Variants in ZSWIM6 observed in about 807,000 individuals in gnomAD.
ZSWIM6 encodes zinc finger SWIM domain-containing protein 6.
ZSWIM6 carries 9 observed loss-of-function variants against 113.2 expected under a neutral mutation model. That is an observed-to-expected ratio of 0.08 (90% CI 0.05 to 0.14). The LOEUF (loss-of-function observed/expected upper bound fraction) is 0.14, where lower values mean the gene tolerates loss of function less well. ZSWIM6 is among the 10% of genes least tolerant of loss of function. ZSWIM6 has a pLI of 1.00. For synonymous variants in ZSWIM6, 611 were observed against 606.5 expected, an observed-to-expected ratio of 1.01 and a Z score of -0.11; for missense variants, 1,162 against 1,552.2, an observed-to-expected ratio of 0.75 and a Z score of 4.22.
At chr5:61,451,235 TTTAG>T (rs1366341641) in intron 1 of ZSWIM6, among the ~76,000 whole-genome samples, 1 of 152,172 alleles carries the variant, frequency 6.6e-6, no homozygotes, top group East Asian at 1.9e-4. Flanking sequence ...GCAGGAATGT[TTTAG>T]TTAGCTTCAG....
chr5:61,514,332 A>G (rs1748874872), intron 4 of ZSWIM6, among the ~76,000 whole-genome samples: 2 of 149,374 alleles, frequency 1.3e-5, no homozygotes, highest in South Asian at 4.2e-4. Flanking sequence ...TGGTTCTAGG[A>G]GCAATTTTGT....
In ZSWIM6 at chr5:61,379,016, C is replaced by G. The variant is rs1745426158; in HGVS notation, c.676+46068C>G. Among the ~76,000 whole-genome samples the G allele has an allele frequency of 2.0e-5, 3 of 151,664 alleles. 1 individual carries two copies. The highest frequency in any genetic ancestry group is 2.0e-4 in the Admixed American group (3 of 15,224). On this transcript the variant is annotated intron_variant, in intron 1 of 13. Transcript: ENST00000252744. The stretch of plus-strand genomic sequence containing the variant: ...GTAATGTAGCGAGACCCTGTCTCTA[C>G]AAGAAGATAAAAAAATTAGCTGGGT...
intron 1 of ZSWIM6, among the ~76,000 whole-genome samples, chr5:61,356,752 T>TA (rs2112046996): frequency 7.2e-6 from 1 of 138,730 alleles, no homozygotes; most frequent in South Asian, 2.1e-4. Context: ...TATATATATA[T>TA]TATATATAAT....
At chr5:61,462,656 G>A (rs377496543) in intron 1 of ZSWIM6, among the ~76,000 whole-genome samples, 1 of 152,286 alleles carries the variant, frequency 6.6e-6, no homozygotes, top group South Asian at 2.1e-4. Flanking sequence ...TAGTGCATGT[G>A]TTGAAAACGC....
chr5:61,463,013 T>G (rs1015647303), intron 1 of ZSWIM6, among the ~76,000 whole-genome samples: 1 of 152,182 alleles, frequency 6.6e-6, no homozygotes, highest in Non-Finnish European at 1.5e-5. Flanking sequence ...TGCCTATATA[T>G]TTTTTTCATT....
intron 4 of ZSWIM6, among the ~76,000 whole-genome samples, chr5:61,520,894 T>C (rs1344796077): frequency 6.6e-6 from 1 of 152,136 alleles, no homozygotes; most frequent in African/African-American, 2.4e-5. Flanking sequence ...GGCATTTTTG[T>C]CTAAAATGTC....
intron 1 of ZSWIM6, among the ~76,000 whole-genome samples, chr5:61,430,454 G>T (rs1746555888): frequency 6.6e-6 from 1 of 152,000 alleles, no homozygotes; most frequent in Non-Finnish European, 1.5e-5. Flanking sequence ...TCTTAAATCT[G>T]ATATTAGATC....
Position 61,545,139 on chromosome 5 carries a change from T to C in ZSWIM6, c.*822T>C, listed in dbSNP as rs539022534. 9 of 151,546 alleles carry C rather than the reference T, an allele frequency of 5.9e-5. No individual in the cohort carries two copies. Among genetic ancestry groups the C allele is most frequent in the Non-Finnish European group, 8.8e-5 (6 of 67,952 alleles). 9.4% of individuals were successfully genotyped at this position (151,546 alleles called of 1,614,324 possible). A position where few individuals can be genotyped will look rare whatever the true frequency, so the allele number is the denominator to read the frequency against. The stretch of plus-strand genomic sequence containing the variant: ...ACTAAAAGTACGCCTTGCTTCAGGG[T>C]TGGCTCAGGTGGTGAACTTCATGCT... On this transcript the variant is annotated 3_prime_UTR_variant, in exon 14 of 14. Coordinates refer to ENST00000252744, the MANE Select transcript of ZSWIM6 (RefSeq NM_020928.2).
intron 10 of ZSWIM6, among the ~76,000 whole-genome samples, chr5:61,536,762 C>T (rs114712235): frequency 0.016 from 2,496 of 152,304 alleles, 27 homozygotes; most frequent in Non-Finnish European, 0.026. Flanking sequence ...TTAAGGCTGA[C>T]ATCCTGTAAT....
chr5:61,404,857 T>C (rs935760568), intron 1 of ZSWIM6, among the ~76,000 whole-genome samples: 2 of 152,192 alleles, frequency 1.3e-5, no homozygotes, highest in Non-Finnish European at 2.9e-5. Flanking sequence ...TAAGGAAGTC[T>C]GGGGCTTCAG....
chr5:61,393,103 G>A (rs1745759718), intron 1 of ZSWIM6, among the ~76,000 whole-genome samples: 2 of 151,594 alleles, frequency 1.3e-5, no homozygotes, highest in Admixed American at 6.6e-5. Flanking sequence ...GCAGTGGTGC[G>A]ATCTTGGCTC....
chr5:61,383,442 T>G (rs1234843564), intron 1 of ZSWIM6, among the ~76,000 whole-genome samples: 1 of 152,204 alleles, frequency 6.6e-6, no homozygotes, highest in Non-Finnish European at 1.5e-5. Flanking sequence ...AATCTTGATC[T>G]TATTTTGAGT....
chr5:61,348,676 G>A (rs1744720217), intron 1 of ZSWIM6, among the ~76,000 whole-genome samples: 1 of 151,876 alleles, frequency 6.6e-6, no homozygotes, highest in Admixed American at 6.6e-5. Context: ...TTCCTCTTTT[G>A]TTTCCCTTGT....
At chr5:61,364,216 T>C (rs372638448) in intron 1 of ZSWIM6, among the ~76,000 whole-genome samples, 7 of 151,986 alleles carry the variant, frequency 4.6e-5, no homozygotes, top group African/African-American at 1.7e-4. Context: ...GGCCCATAGT[T>C]TCTATTTCAG....
At chr5:61,392,804 G>T (rs1201834977) in intron 1 of ZSWIM6, among the ~76,000 whole-genome samples, 1 of 151,876 alleles carries the variant, frequency 6.6e-6, no homozygotes. Flanking sequence ...TAGAGACAGG[G>T]TTTCTCCATG....
chr5:61,333,037 C>T, intron 1 of ZSWIM6, 89 bp downstream of exon 1: 2 of 1,060,226 alleles, frequency 1.9e-6, no homozygotes, highest in Non-Finnish European at 2.3e-6. Flanking sequence ...CGGACAGCCC[C>T]TAGTTCCGCG....
intron 1 of ZSWIM6, among the ~76,000 whole-genome samples, chr5:61,414,841 T>A (rs953964337): frequency 6.6e-6 from 1 of 152,214 alleles, no homozygotes; most frequent in Non-Finnish European, 1.5e-5. Context: ...ACTTTTTAGG[T>A]TATTTTTCCT....
At position 61,521,393 on chromosome 5, in the gene ZSWIM6, A is replaced by G; in HGVS notation, c.1464A>G (p.Glu488=). 2 of 1,529,040 alleles carry G rather than the reference A, an allele frequency of 1.3e-6. No individual in the cohort carries two copies. The highest frequency in any genetic ancestry group is 2.8e-5 in the African/African-American group (2 of 71,662). The allele number at this position is 1,529,040 out of a possible 1,614,324, so 94.7% of individuals were successfully genotyped here. ...GGGAAGATGGAAATCATGGCAGTGA[A>G]TTACCCAACTTAACCAATGCTCTGC... The part of the protein sequence containing the change: ...CPWEDGNHGS[E]LPNLTNALPQ... The change falls in exon 5 of 14, where the codon GAA becomes GAG. Residue 488 remains glutamate, a synonymous_variant. Transcript: ENST00000252744.
chr5:61,392,688 C>T (rs146286750), intron 1 of ZSWIM6, among the ~76,000 whole-genome samples: 2 of 152,288 alleles, frequency 1.3e-5, no homozygotes, highest in African/African-American at 4.8e-5. Context: ...TCGCAGCTCA[C>T]CGCAACCTCC....
Sources: allele counts gnomAD v4.1 joint callset (sites outside exome capture counted in the v4.1 genomes callset), GRCh38; gene constraint gnomAD v4.1.1; transcripts MANE v1.5; gene names NCBI Gene and HGNC (gene_info 2026-07-23, HGNC 2026-07-21).